HLA-DMA: variants seen among roughly 807,000 people sequenced by gnomAD.
HLA-DMA encodes the protein major histocompatibility complex, class II, DM alpha, also known as HLA class II histocompatibility antigen, DM alpha chain.
Under a neutral mutation model 27.3 loss-of-function variants are expected in HLA-DMA, and 20 were observed. That is an observed-to-expected ratio of 0.73 (90% confidence interval 0.52 to 1.07). HLA-DMA has a LOEUF of 1.07. Ranked by LOEUF, HLA-DMA falls within the 50% of genes least tolerant of loss-of-function variation. The pLI, the probability that HLA-DMA is intolerant of heterozygous loss-of-function variation, is 0.00. For missense variants in HLA-DMA, 241 were observed against 321.7 expected (o/e 0.75, Z 1.92); for synonymous variants, 111 against 126.8 (o/e 0.88, Z 0.83).
rs932557372 is a variant in HLA-DMA, at chr6:32,950,050, T to A, written c.374-161A>T. 1 of 695,604 alleles carries A rather than the reference T, an allele frequency of 1.4e-6. No homozygotes were observed. The highest frequency in any genetic ancestry group is 1.8e-5 in the African/African-American group (1 of 55,764). 43.1% of individuals were successfully genotyped at this position (695,604 alleles called of 1,614,324 possible). A position where few individuals can be genotyped will look rare whatever the true frequency, so the allele number is the denominator to read the frequency against. On this transcript the variant is annotated intron_variant, in intron 2 of 4. Transcript: ENST00000374843. This position sits in a 1 kb window ranked among gnomAD's most constrained non-coding sequence, Gnocchi z 5.0. ...CGAGGAGCTGGGCTCTGAAGGGAGG[T>A]CTTCTTCCAGGCAAGGACTGCAGCT...
Position 32,949,550 on chromosome 6 carries a change from T to C in HLA-DMA, c.652+61A>G. ...GGTACCAGTGGAGAAAGAAGCCTCC[T>C]CCCATGGATCTATCCCTTTTTGCCC... On this transcript the variant is annotated intron_variant, in intron 3 of 4. Coordinates refer to ENST00000374843, the MANE Select transcript of HLA-DMA (RefSeq NM_006120.4). This position sits in a 1 kb window ranked among gnomAD's most constrained non-coding sequence, Gnocchi z 5.8. 1 of 1,601,272 alleles carries C rather than the reference T, an allele frequency of 6.2e-7. No individual in the cohort carries two copies. The highest frequency in any genetic ancestry group is 8.5e-7 in the Non-Finnish European group (1 of 1,171,370).
chr6:32,950,248 T>C lies in HLA-DMA; in HGVS notation c.373+271A>G. 5.0e-6 allele frequency: 3 copies of C among 595,964 alleles called. No homozygotes were observed. Among genetic ancestry groups the C allele is most frequent in the Non-Finnish European group, 8.9e-6 (3 of 336,110 alleles). The allele number at this position is 595,964 out of a possible 1,614,324, so 36.9% of individuals were successfully genotyped here. On this transcript the variant is annotated intron_variant, in intron 2 of 4. Transcript: ENST00000374843. The surrounding 1 kb of genome is among the most constrained non-coding windows in gnomAD (Gnocchi z 5.0). ...TTCCCATCCATCTTGCTGGGCATAGTAGCACAAGTGTTAATATTCAGTAGG... is the reference window on the plus strand; with the variant it reads ...TTCCCATCCATCTTGCTGGGCATAGCAGCACAAGTGTTAATATTCAGTAGG...
rs1390024861 is a variant in HLA-DMA, at chr6:32,950,360, A to G, written c.373+159T>C. 29 of 879,130 alleles carry G rather than the reference A, an allele frequency of 3.3e-5. No homozygotes were observed. 54.5% of individuals were successfully genotyped at this position (879,130 alleles called of 1,614,324 possible). A position where few individuals can be genotyped will look rare whatever the true frequency, so the allele number is the denominator to read the frequency against. ...GCTAGGTACTTCGGCCCACCAAAAG[A>G]ACACAGGGTGCAGACCAAGGCTGGT... On this transcript the variant is annotated intron_variant, in intron 2 of 4. Transcript: ENST00000374843. The surrounding 1 kb of genome is among the most constrained non-coding windows in gnomAD (Gnocchi z 5.0).
At position 32,950,916 on chromosome 6, in the gene HLA-DMA, G is replaced by T; in HGVS notation, c.89-113C>A. 9.4e-7 allele frequency: 1 copy of T among 1,065,978 alleles called. No individual in the cohort carries two copies. The highest frequency in any genetic ancestry group is 1.4e-6 in the Non-Finnish European group (1 of 740,712). The allele number at this position is 1,065,978 out of a possible 1,614,324, so 66.0% of individuals were successfully genotyped here. A position where few individuals can be genotyped will look rare whatever the true frequency, so the allele number is the denominator to read the frequency against. On this transcript the variant is annotated intron_variant, in intron 1 of 4. Coordinates refer to ENST00000374843, the MANE Select transcript of HLA-DMA (RefSeq NM_006120.4). This position sits in a 1 kb window ranked among gnomAD's most constrained non-coding sequence, Gnocchi z 5.0. ...TCATGCCTGTAATCCCAGCACTTTG[G>T]GAGGCCAAGGTGGGTGGATCATGAG...
rs116611693 is a variant in HLA-DMA at position 32,948,644 on chromosome 6, G to T, written c.*220C>A. On this transcript the variant is annotated 3_prime_UTR_variant, in exon 5 of 5. Transcript: ENST00000374843. ...AAAGAAATGAGATTTATTGCCTTGT[G>T]GGGGGAAGGGATGTGGTTGTGATAG... 26,843 of 610,276 alleles carry T rather than the reference G, an allele frequency of 0.044. 795 individuals are homozygous for T. The highest frequency in any genetic ancestry group is 0.057 in the Non-Finnish European group (19,537 of 340,552). 37.8% of individuals were successfully genotyped at this position (610,276 alleles called of 1,614,324 possible).
At chr6:32,951,189 G>A (rs1776882970) in intron 1 of HLA-DMA, among the ~76,000 whole-genome samples, 1 of 152,124 alleles carries the variant, frequency 6.6e-6, no homozygotes, top group African/African-American at 2.4e-5. Context: ...TGCTTAAGGA[G>A]CGTGGGCTGA....
At position 32,949,385 on chromosome 6, in the gene HLA-DMA, G is replaced by A. The variant is rs763032252; in HGVS notation, c.667C>T (p.Leu223=). Residue 223 remains leucine, a synonymous_variant, in exon 4 of 5, where the codon CTG becomes TTG. Transcript: ENST00000374843. This position sits in a 1 kb window ranked among gnomAD's most constrained non-coding sequence, Gnocchi z 5.8. ...AIAYWVPRNA[L]PSDLLENVLC... ...ACATTCTCCAGCAGATCTGAGGGCA[G>A]TGCGTTCCGGGGTACTGGAGGAAAT... 6.2e-7 allele frequency: 1 copy of A among 1,614,072 alleles called. No homozygotes were observed. The highest frequency in any genetic ancestry group is 8.5e-7 in the Non-Finnish European group (1 of 1,179,964).
rs1776786858 is a variant in HLA-DMA at position 32,949,333 on chromosome 6, C to T, written c.719G>A (p.Gly240Asp). ...AATGCCCACGATGATGCCCAGCACACCCAGGCCAAAGGCCACGCCACACAG... is the reference window on the plus strand; with the variant it reads ...AATGCCCACGATGATGCCCAGCACATCCAGGCCAAAGGCCACGCCACACAG... ...NVLCGVAFGL[G>D]VLGIIVGIVL... The change falls in exon 4 of 5, where the codon GGT becomes GAT. Residue 240 changes from glycine to aspartate, a missense_variant. By Grantham distance (94) the Gly-to-Asp change is moderately conservative. Coordinates refer to ENST00000374843, the MANE Select transcript of HLA-DMA (RefSeq NM_006120.4). This position sits in a 1 kb window ranked among gnomAD's most constrained non-coding sequence, Gnocchi z 5.8. The T allele has an allele frequency of 6.2e-7, 1 of 1,614,134 alleles. No homozygotes were observed. Among genetic ancestry groups the T allele is most frequent in the Non-Finnish European group, 8.5e-7 (1 of 1,180,034 alleles).
Position 32,948,959 on chromosome 6 carries a change from C to T in HLA-DMA, c.782-91G>A, listed in dbSNP as rs540515990. The T allele has an allele frequency of 3.5e-4, 504 of 1,452,250 alleles. 5 individuals carry two copies. In the South Asian group the frequency reaches 5.5e-3, roughly 16 times the overall value. The allele number at this position is 1,452,250 out of a possible 1,614,324, so 90.0% of individuals were successfully genotyped here. On this transcript the variant is annotated intron_variant, in intron 4 of 4. Transcript: ENST00000374843. ...CCTCCTCCCCCACAAAGGCCTTGCT[C>T]GCCCTGCCTGCACCACACCCTGCAG...
chr6:32,952,787 T>C (rs930028062), intron 1 of HLA-DMA, among the ~76,000 whole-genome samples, 162 bp downstream of exon 1: 6 of 152,228 alleles, frequency 3.9e-5, no homozygotes, highest in Admixed American at 2.6e-4. Context: ...GCATCACTGA[T>C]ATCGTTTACC....
rs779711764 is a variant in HLA-DMA, at chr6:32,949,289, G to A, written c.763C>T (p.Arg255Trp). Reference protein sequence around the residue: ...IVGIVLIIYFRKPCSGD With the variant: ...IVGIVLIIYFWKPCSGD ...GACATACCACCTGAGCAAGGCTTCCGGAAGTAGATGATGAGAACAATGCCC... is the reference window on the plus strand; with the variant it reads ...GACATACCACCTGAGCAAGGCTTCCAGAAGTAGATGATGAGAACAATGCCC... Residue 255 changes from arginine to tryptophan, a missense_variant, in exon 4 of 5, where the codon CGG (arginine) becomes TGG (tryptophan). By Grantham distance (101) the Arg-to-Trp change is moderately radical (BLOSUM62 -3). Transcript: ENST00000374843. This position sits in a 1 kb window ranked among gnomAD's most constrained non-coding sequence, Gnocchi z 5.8. 1.8e-5 allele frequency: 29 copies of A among 1,613,984 alleles called. No individual in the cohort carries two copies. Among genetic ancestry groups the A allele is most frequent in the East Asian group, 6.7e-5 (3 of 44,890 alleles).
intron 1 of HLA-DMA, chr6:32,952,184 C>G (rs576406526): frequency 2.6e-6 from 1 of 387,700 alleles, no homozygotes; most frequent in South Asian, 2.0e-5. Flanking sequence ...ATGGGTTTCT[C>G]ACTCTTAGAA....
At chr6:32,951,466 C>T (rs1299316866) in intron 1 of HLA-DMA, among the ~76,000 whole-genome samples, 3 of 151,036 alleles carry the variant, frequency 2.0e-5, no homozygotes, top group East Asian at 2.0e-4. Flanking sequence ...CCTGTCTCTA[C>T]AAAAAATACA....
chr6:32,952,720 G>T (rs1488388246), intron 1 of HLA-DMA, among the ~76,000 whole-genome samples: 2 of 152,178 alleles, frequency 1.3e-5, no homozygotes, highest in Non-Finnish European at 2.9e-5. Context: ...TTCTTCATTT[G>T]TAAAATGGAG....
chr6:32,949,926 C>T lies in HLA-DMA; in HGVS notation c.374-37G>A, dbSNP rs924362919. 2.5e-6 allele frequency: 4 copies of T among 1,604,032 alleles called. No individual in the cohort carries two copies. In the African/African-American group the frequency reaches 4.0e-5, roughly 16 times the overall value. On this transcript the variant is annotated intron_variant, in intron 2 of 4. Coordinates refer to ENST00000374843, the MANE Select transcript of HLA-DMA (RefSeq NM_006120.4). This position sits in a 1 kb window ranked among gnomAD's most constrained non-coding sequence, Gnocchi z 5.8. ...ATTGAAGTGTAGGGGGAAAAAGAGA[C>T]TAGTTTAGATGGTATCTCTGTGTTT... is the stretch of plus-strand genomic sequence containing the variant.
chr6:32,952,030 C>A (rs1026802941), intron 1 of HLA-DMA, among the ~76,000 whole-genome samples: 1 of 152,156 alleles, frequency 6.6e-6, no homozygotes, highest in African/African-American at 2.4e-5. Context: ...GGGGGCTGCA[C>A]AAAGACACCT....
In HLA-DMA at chr6:32,949,328, G is replaced by A. The variant is rs1193789923; in HGVS notation, c.724C>T (p.Leu242=). Residue 242 remains leucine, a synonymous_variant, in exon 4 of 5, where the codon CTG becomes TTG. Transcript: ENST00000374843. The surrounding 1 kb of genome is among the most constrained non-coding windows in gnomAD (Gnocchi z 5.8). The part of the protein sequence containing the change: ...LCGVAFGLGV[L]GIIVGIVLII... ...AGAACAATGCCCACGATGATGCCCA[G>A]CACACCCAGGCCAAAGGCCACGCCA... The A allele has an allele frequency of 6.2e-7, 1 of 1,614,140 alleles. No individual in the cohort carries two copies. Among genetic ancestry groups the A allele is most frequent in the East Asian group, 2.2e-5 (1 of 44,878 alleles).
In HLA-DMA at chr6:32,952,814, T is replaced by A. The variant is rs115375134; in HGVS notation, c.88+135A>T. 3.3e-3 allele frequency: 2,287 copies of A among 689,874 alleles called. 43 individuals are homozygous for A. The highest frequency in any genetic ancestry group is 0.024 in the South Asian group (1,415 of 59,040). The allele number at this position is 689,874 out of a possible 1,614,324, so 42.7% of individuals were successfully genotyped here. A position where few individuals can be genotyped will look rare whatever the true frequency, so the allele number is the denominator to read the frequency against. On this transcript the variant is annotated intron_variant, in intron 1 of 4. Transcript: ENST00000374843. ...TCGTTTACCAACCACACATAGCAGC[T>A]GTCTTTCCCCACTCCCCTGTTGTTT...
In HLA-DMA at chr6:32,949,537, G is replaced by A. The variant is rs770392156; in HGVS notation, c.652+74C>T. On this transcript the variant is annotated intron_variant, in intron 3 of 4. Transcript: ENST00000374843. This position sits in a 1 kb window ranked among gnomAD's most constrained non-coding sequence, Gnocchi z 5.8. ...ATGGACTAAACAAGGTACCAGTGGA[G>A]AAAGAAGCCTCCTCCCATGGATCTA... The A allele has an allele frequency of 5.0e-5, 79 of 1,595,710 alleles. No homozygotes were observed. The highest frequency in any genetic ancestry group is 6.8e-5 in the Non-Finnish European group (79 of 1,167,482).
Sources: allele counts gnomAD v4.1 joint callset (sites outside exome capture counted in the v4.1 genomes callset), GRCh38; gene constraint gnomAD v4.1.1; non-coding constraint Gnocchi (gnomAD v3.1); transcripts MANE v1.5; gene names NCBI Gene and HGNC (gene_info 2026-07-23, HGNC 2026-07-21).